OPHN1: variants seen among roughly 807,000 people sequenced by gnomAD.
OPHN1 encodes the protein oligophrenin-1.
Under a neutral mutation model 60.7 loss-of-function variants are expected in OPHN1, and 11 were observed. The observed-to-expected ratio is 0.18, with a 90% CI of 0.11 to 0.30. OPHN1 has a LOEUF of 0.30. Ranked by LOEUF, OPHN1 falls within the 10% of genes least tolerant of loss-of-function variation. The pLI is 1.00. For missense variants in OPHN1, 449 were observed against 611.0 expected (o/e 0.73, Z 2.80); for synonymous variants, 226 against 222.6 (o/e 1.02, Z -0.14).
intron 2 of OPHN1, among the ~76,000 whole-genome samples, chrX:68,423,438 TG>T (rs2078840097): frequency 9.1e-6 from 1 of 109,573 alleles, no homozygotes; most frequent in Admixed American, 9.7e-5. Context: ...CCAAACACAA[TG>T]TTTTTTTTTT....
intron 21 of OPHN1, among the ~76,000 whole-genome samples, chrX:68,060,442 C>T (rs1322729606): frequency 1.8e-5 from 2 of 111,023 alleles, no homozygotes; most frequent in African/African-American, 6.6e-5. Context: ...CCTCACAAGG[C>T]CTATCACAAT....
At position 68,073,273 on chromosome X, in the gene OPHN1, G is replaced by GCTT; in HGVS notation, c.1710_1712dup (p.Glu570_Ser571insArg). The GCTT allele has an allele frequency of 8.3e-7, 1 of 1,210,237 alleles. No homozygotes were observed. Among genetic ancestry groups the GCTT allele is most frequent in the Non-Finnish European group, 1.1e-6 (1 of 894,413 alleles). ...GAGGCGGAGGCACTGGCGGTGCAGC[G>GCTT]CTTTCCTCAGGTGGACCTAAATAGA... On this transcript the variant is annotated inframe_insertion, in exon 20 of 25. Coordinates refer to ENST00000355520, the MANE Select transcript of OPHN1 (RefSeq NM_002547.3).
rs1037894136 is a variant in OPHN1, at chrX:68,046,321, C to A, written c.*851G>T. 1 of 112,081 alleles carries A rather than the reference C, an allele frequency of 8.9e-6. No homozygotes were observed. Among genetic ancestry groups the A allele is most frequent in the Non-Finnish European group, 1.9e-5 (1 of 53,217 alleles). 9.2% of individuals were successfully genotyped at this position (112,081 alleles called of 1,213,427 possible). On this transcript the variant is annotated 3_prime_UTR_variant, in exon 25 of 25. Coordinates refer to ENST00000355520, the MANE Select transcript of OPHN1 (RefSeq NM_002547.3). ...CTTAACAATTTTTCTAGCATTTGAC[C>A]CCAAAATAGAACTCCTACAGGACCA...
chrX:68,393,885 G>GTTTGTTTTTTTTTT (rs2078667077), intron 2 of OPHN1, among the ~76,000 whole-genome samples: 2 of 34,587 alleles, frequency 5.8e-5, no homozygotes, highest in Non-Finnish European at 9.9e-5. Context: ...AATAGACTTT[G>GTTTGTTTTTTTTTT]TTTTTTTTTT....
intron 2 of OPHN1, among the ~76,000 whole-genome samples, chrX:68,371,663 C>T (rs1410813063): frequency 8.9e-6 from 1 of 112,211 alleles, no homozygotes; most frequent in African/African-American, 3.2e-5. Context: ...TAGGCTATGC[C>T]ATACAGGTTT....
At chrX:68,059,165 T>A (rs2076884153) in intron 21 of OPHN1, among the ~76,000 whole-genome samples, 2 of 111,719 alleles carry the variant, frequency 1.8e-5, no homozygotes, top group South Asian at 7.6e-4. Flanking sequence ...TCAACTTTGG[T>A]CCGAAACCTG....
chrX:68,278,829 T>A (rs1441836344), intron 4 of OPHN1, among the ~76,000 whole-genome samples: 1 of 111,455 alleles, frequency 9.0e-6, no homozygotes, highest in Non-Finnish European at 1.9e-5. Flanking sequence ...GAGGCTGCAG[T>A]GAGCCGAAAT....
At position 68,078,802 on chromosome X, in the gene OPHN1, A is replaced by G. The variant is rs187450320; in HGVS notation, c.1687-5503T>C. ...GGAGTTCAAGACAAGCCTGGCCAAC[A>G]TGGTGAAACCCTAGCTCTATTAATA... On this transcript the variant is annotated intron_variant, in intron 19 of 24. Coordinates refer to ENST00000355520, the MANE Select transcript of OPHN1 (RefSeq NM_002547.3). Among the ~76,000 whole-genome samples, 9 of 109,907 alleles carry G rather than the reference A, an allele frequency of 8.2e-5. No individual in the cohort carries two copies. The East Asian group carries it at 2.0e-3, about 25-fold the overall frequency.
chrX:68,335,348 T>C (rs187640878), intron 2 of OPHN1, among the ~76,000 whole-genome samples: 19 of 111,844 alleles, frequency 1.7e-4, no homozygotes, highest in Admixed American at 2.9e-4. Context: ...CATGGAGAGA[T>C]AGAGTTTGTT....
chrX:68,193,031 A>G, intron 14 of OPHN1, 38 bp from the exon 15 acceptor site: 1 of 1,070,004 alleles, frequency 9.3e-7, no homozygotes, highest in East Asian at 3.0e-5. Flanking sequence ...TCACTTGTAT[A>G]GCTAGAGTTG....
intron 9 of OPHN1, among the ~76,000 whole-genome samples, chrX:68,208,385 C>T (rs1009060709): frequency 7.2e-5 from 8 of 111,868 alleles, no homozygotes; most frequent in African/African-American, 2.3e-4. Flanking sequence ...CCACTGTGCC[C>T]GGCCATTCCT....
At chrX:68,327,472 A>T (rs1408922477) in intron 2 of OPHN1, among the ~76,000 whole-genome samples, 1 of 21,711 alleles carries the variant, frequency 4.6e-5, no homozygotes, top group Non-Finnish European at 7.5e-5. Flanking sequence ...TTGATCTGTG[A>T]CCTTATCCCC....
chrX:68,331,730 CAAAA>C (rs1158512927), intron 2 of OPHN1, among the ~76,000 whole-genome samples: 3 of 39,344 alleles, frequency 7.6e-5, no homozygotes, highest in African/African-American at 8.2e-5. Context: ...GACTCTGTAT[CAAAA>C]AAAAAAAAAA....
At chrX:68,353,159 C>CA (rs1241333192) in intron 2 of OPHN1, among the ~76,000 whole-genome samples, 59 of 105,083 alleles carry the variant, frequency 5.6e-4, no homozygotes, top group African/African-American at 1.9e-3. Context: ...CTGTCTCAAA[C>CA]AAAAAAAAAG....
intron 2 of OPHN1, among the ~76,000 whole-genome samples, chrX:68,431,765 C>A (rs1235484627): frequency 9.0e-6 from 1 of 111,205 alleles, no homozygotes; most frequent in Non-Finnish European, 1.9e-5. Flanking sequence ...TCTCCCTGCT[C>A]TTGGTTGACT....
intron 15 of OPHN1, among the ~76,000 whole-genome samples, chrX:68,173,052 C>T (rs2077398646): frequency 9.0e-6 from 1 of 110,531 alleles, no homozygotes; most frequent in Non-Finnish European, 1.9e-5. Flanking sequence ...GCAGATATGC[C>T]ACGGTGACAA....
intron 5 of OPHN1, among the ~76,000 whole-genome samples, chrX:68,245,418 T>C (rs2077800805): frequency 8.9e-6 from 1 of 112,393 alleles, no homozygotes; most frequent in Non-Finnish European, 1.9e-5. Context: ...ATATAAAACA[T>C]ACTTTCTCAA....
intron 15 of OPHN1, among the ~76,000 whole-genome samples, chrX:68,178,909 C>T (rs1406487064): frequency 9.0e-6 from 1 of 111,646 alleles, no homozygotes; most frequent in Non-Finnish European, 1.9e-5. Context: ...AATTAATTTC[C>T]AGATATTTTT....
chrX:68,193,611 T>C (rs1206617889), intron 14 of OPHN1, among the ~76,000 whole-genome samples: 1 of 111,691 alleles, frequency 9.0e-6, no homozygotes, highest in Non-Finnish European at 1.9e-5. Context: ...GAACTCTTGA[T>C]CATTTAGGAT....
Sources: allele counts gnomAD v4.1 joint callset (sites outside exome capture counted in the v4.1 genomes callset), GRCh38; gene constraint gnomAD v4.1.1; transcripts MANE v1.5; gene names NCBI Gene and HGNC (gene_info 2026-07-23, HGNC 2026-07-21).